ATRNL1: variants seen among roughly 807,000 people sequenced by gnomAD.
The protein encoded by ATRNL1 is attractin like 1.
ATRNL1 carries 95 observed loss-of-function variants against 182.7 expected under a neutral mutation model. That is an observed-to-expected ratio of 0.52 (90% CI 0.44 to 0.62). ATRNL1 has a LOEUF of 0.62. Ranked by LOEUF, ATRNL1 falls within the 20% of genes least tolerant of loss-of-function variation. The pLI is 0.00. For synonymous variants in ATRNL1, 576 were observed against 568.3 expected (o/e 1.01, Z -0.19); for missense variants, 1,471 against 1,679.5 (o/e 0.88, Z 2.17).
intron 21 of ATRNL1, among the ~76,000 whole-genome samples, chr10:115,453,236 T>C (rs1554968022): frequency 6.6e-6 from 1 of 152,116 alleles, no homozygotes; most frequent in Non-Finnish European, 1.5e-5. Flanking sequence ...CTGGAACAGA[T>C]GGTAGTTCTA....
chr10:115,699,351 A>G (rs1946661413), intron 26 of ATRNL1, among the ~76,000 whole-genome samples: 1 of 152,212 alleles, frequency 6.6e-6, no homozygotes, highest in South Asian at 2.1e-4. Flanking sequence ...ACCAGGAAGT[A>G]TAAGATTAGA....
chr10:115,725,736 A>G lies in ATRNL1; in HGVS notation c.3796-1512A>G, dbSNP rs544942516. Among the ~76,000 whole-genome samples, 71 of 127,294 alleles carry G rather than the reference A, an allele frequency of 5.6e-4. 2 individuals are homozygous for G. The South Asian group carries it at 0.021, about 37-fold the overall frequency. The allele number at this position is 127,294 out of a possible 152,430, so 83.5% of individuals were successfully genotyped here. On this transcript the variant is annotated intron_variant, in intron 26 of 28. Transcript: ENST00000355044. Reference sequence around the variant, plus strand: ...GAACCTGGTGTCTTCTGCATTTACTATCCTTAGCATTTGAGATAACATTAT... The same window carrying G: ...GAACCTGGTGTCTTCTGCATTTACTGTCCTTAGCATTTGAGATAACATTAT...
intron 26 of ATRNL1, among the ~76,000 whole-genome samples, chr10:115,567,275 G>A (rs1854124914): frequency 6.6e-6 from 1 of 152,092 alleles, no homozygotes; most frequent in African/African-American, 2.4e-5. Context: ...ACAAATTAAA[G>A]ATAATGCTTT....
At chr10:115,340,657 C>T (rs1181388135) in intron 19 of ATRNL1, among the ~76,000 whole-genome samples, 1 of 151,542 alleles carries the variant, frequency 6.6e-6, no homozygotes, top group Non-Finnish European at 1.5e-5. Flanking sequence ...CATCAGACCC[C>T]AGGCTTTTCT....
At chr10:115,853,773 G>GA (rs34053883) in intron 28 of ATRNL1, among the ~76,000 whole-genome samples, 1 of 152,056 alleles carries the variant, frequency 6.6e-6, no homozygotes, top group African/African-American at 2.4e-5. Flanking sequence ...AAAGAAGAAA[G>GA]AAAAAGTGGC....
At chr10:115,893,926 T>A (rs1245079812) in intron 28 of ATRNL1, among the ~76,000 whole-genome samples, 1 of 151,542 alleles carries the variant, frequency 6.6e-6, no homozygotes, top group Non-Finnish European at 1.5e-5. Flanking sequence ...GAAGACAAAA[T>A]TCAAAAGACC....
At chr10:115,901,628 G>A (rs1347493876) in intron 28 of ATRNL1, among the ~76,000 whole-genome samples, 2 of 151,098 alleles carry the variant, frequency 1.3e-5, no homozygotes, top group Non-Finnish European at 2.9e-5. Context: ...AGCAAGGAAA[G>A]TGTCAGAAGA....
intron 24 of ATRNL1, among the ~76,000 whole-genome samples, chr10:115,480,335 G>T (rs1315822272): frequency 2.0e-5 from 3 of 150,816 alleles, no homozygotes; most frequent in Non-Finnish European, 4.5e-5. Flanking sequence ...TGATGGAGTT[G>T]CCCTTGTATA....
At chr10:115,934,105 G>A (rs972535154) in intron 28 of ATRNL1, among the ~76,000 whole-genome samples, 1 of 152,116 alleles carries the variant, frequency 6.6e-6, no homozygotes, top group African/African-American at 2.4e-5. Context: ...CAAGGCAATG[G>A]TGGATGCCCT....
chr10:115,839,831 G>T (rs1174981192), intron 27 of ATRNL1, among the ~76,000 whole-genome samples: 1 of 152,096 alleles, frequency 6.6e-6, no homozygotes, highest in Non-Finnish European at 1.5e-5. Flanking sequence ...AAAAAGAATT[G>T]ATCTATCAGC....
At chr10:115,826,623 G>A (rs2134298519) in intron 27 of ATRNL1, among the ~76,000 whole-genome samples, 1 of 152,254 alleles carries the variant, frequency 6.6e-6, no homozygotes, top group East Asian at 1.9e-4. Flanking sequence ...GAGGAATGAA[G>A]TCACGGACAC....
Position 115,153,038 on chromosome 10 carries a change from G to A in ATRNL1, c.830-7002G>A, listed in dbSNP as rs367741324. ...TTACGCTTATTGATTTGCATATGTT[G>A]AACTAGCCTTGCATCTCAGGGATGA... is the stretch of plus-strand genomic sequence containing the variant. On this transcript the variant is annotated intron_variant, in intron 5 of 28. Coordinates refer to ENST00000355044, the MANE Select transcript of ATRNL1 (RefSeq NM_207303.4). 4.3e-4 allele frequency among the ~76,000 whole-genome samples: 66 copies of A among 152,182 alleles called. 1 individual carries two copies. Among genetic ancestry groups the A allele is most frequent in the African/African-American group, 1.6e-3 (65 of 41,522 alleles).
chr10:115,548,864 G>T (rs1164302141), intron 25 of ATRNL1, among the ~76,000 whole-genome samples: 1 of 151,934 alleles, frequency 6.6e-6, no homozygotes, highest in Non-Finnish European at 1.5e-5. Flanking sequence ...CAACACCCCT[G>T]CACTCCTCTC....
chr10:115,106,768 C>T (rs1373986002), intron 1 of ATRNL1, among the ~76,000 whole-genome samples: 2 of 152,142 alleles, frequency 1.3e-5, no homozygotes, highest in Non-Finnish European at 2.9e-5. Flanking sequence ...CCTCCCCAGC[C>T]ATGTGGAACT....
intron 26 of ATRNL1, among the ~76,000 whole-genome samples, chr10:115,647,551 C>T (rs1292362275): frequency 1.1e-4 from 16 of 151,932 alleles, no homozygotes; most frequent in East Asian, 1.9e-4. Context: ...TTATGGCCAG[C>T]GATGATGAGC....
Position 115,461,995 on chromosome 10 carries a change from G to A in ATRNL1, c.3377G>A (p.Arg1126His), listed in dbSNP as rs374205108. ...FTFSLLQEDD[R>H]HHTAINFIAN... The stretch of plus-strand genomic sequence containing the variant: ...TTCAGCTTATTACAGGAAGATGATC[G>A]CCACCATACTGCCATAAACTTTATA... Residue 1126 changes from arginine to histidine, a missense_variant, in exon 22 of 29, where the codon CGC becomes CAC. By Grantham distance (29) the Arg-to-His change is conservative (BLOSUM62 0). Around this residue, in one of 3 missense-constraint regions of ATRNL1, gnomAD observed 437 missense variants for 506.0 expected, o/e 0.86. Coordinates refer to ENST00000355044, the MANE Select transcript of ATRNL1 (RefSeq NM_207303.4). 1.2e-5 allele frequency: 20 copies of A among 1,610,502 alleles called. No homozygotes were observed. The highest frequency in any genetic ancestry group is 4.5e-5 in the East Asian group (2 of 44,532).
intron 19 of ATRNL1, among the ~76,000 whole-genome samples, chr10:115,371,552 C>T (rs1857395786): frequency 6.6e-6 from 1 of 152,208 alleles, no homozygotes. Flanking sequence ...TTTGGAGTTA[C>T]ATGGGGCCTG....
At chr10:115,390,981 T>G (rs1005799990) in intron 19 of ATRNL1, among the ~76,000 whole-genome samples, 1 of 152,244 alleles carries the variant, frequency 6.6e-6, no homozygotes, top group Non-Finnish European at 1.5e-5. Context: ...TTATTGATTT[T>G]TGTATGTTGA....
chr10:115,771,865 A>G (rs1488255764), intron 27 of ATRNL1, among the ~76,000 whole-genome samples: 2 of 152,310 alleles, frequency 1.3e-5, no homozygotes, highest in South Asian at 4.1e-4. Flanking sequence ...TCTACACCAC[A>G]AAAATTGTTC....
Sources: gnomAD v4.1 joint callset for allele counts (sites outside exome capture counted in the v4.1 genomes callset) on GRCh38, gnomAD v4.1.1 for gene constraint, gnomAD v4.1.1 regional missense constraint, MANE v1.5 for transcripts, NCBI Gene and HGNC (gene_info 2026-07-23, HGNC 2026-07-21) for gene names.